The following INO80 variants were observed in gnomAD, a reference collection of about 807,000 sequenced individuals.
The protein encoded by INO80 is chromatin-remodeling ATPase INO80.
Under a neutral mutation model 203.4 loss-of-function variants are expected in INO80, and 20 were observed. The observed-to-expected ratio is 0.10, with a 90% CI of 0.07 to 0.14. INO80 has a LOEUF of 0.14. INO80 is among the 10% of genes least tolerant of loss of function. INO80 has a pLI of 1.00. For synonymous variants in INO80, 726 were observed against 685.2 expected (o/e 1.06, Z -0.93); for missense variants, 1,419 against 1,914.4 (o/e 0.74, Z 4.83).
intron 31 of INO80, among the ~76,000 whole-genome samples, chr15:40,986,107 T>C (rs924073036): frequency 2.6e-5 from 4 of 152,150 alleles, no homozygotes; most frequent in Non-Finnish European, 5.9e-5. Context: ...TGAAACCCAA[T>C]GCTCTCAAAA....
rs2044152012 is a variant in INO80 at position 41,012,817 on chromosome 15, GA to G, written c.3402+3270del. ...AAATACTACTATTTGGATGCCATGT[GA>G]AAGAATACAACATTTCTGAATATAG... On this transcript the variant is annotated intron_variant, in intron 27 of 35. Transcript: ENST00000648947. 4.6e-5 allele frequency among the ~76,000 whole-genome samples: 7 copies of G among 152,100 alleles called. No homozygotes were observed. The South Asian group carries it at 1.5e-3, about 32-fold the overall frequency.
At chr15:41,041,567 A>G in intron 24 of INO80, among the ~76,000 whole-genome samples, 1 of 150,672 alleles carries the variant, frequency 6.6e-6, no homozygotes, top group South Asian at 2.1e-4. Flanking sequence ...CAGCCTCCCT[A>G]GTAGTTGGGA....
At chr15:40,992,968 ACT>A (rs1000754537) in intron 29 of INO80, among the ~76,000 whole-genome samples, 15 of 152,018 alleles carry the variant, frequency 9.9e-5, no homozygotes, top group African/African-American at 3.6e-4. Context: ...AATTTAAAAA[ACT>A]TTTTTGTACA....
chr15:41,070,383 C>A, intron 13 of INO80, 84 bp downstream of exon 13: 1 of 1,178,946 alleles, frequency 8.5e-7, no homozygotes, highest in Non-Finnish European at 1.3e-6. Context: ...CACAGCTTAA[C>A]ATAGTGCTTT....
chr15:41,049,594 G>A (rs2044830103), intron 20 of INO80, among the ~76,000 whole-genome samples, 174 bp from the exon 21 acceptor site: 1 of 152,134 alleles, frequency 6.6e-6, no homozygotes, highest in African/African-American at 2.4e-5. Flanking sequence ...CTTGAAAAAG[G>A]TTAATAAAGA....
chr15:41,028,867 T>A (rs2140482522), intron 24 of INO80, among the ~76,000 whole-genome samples: 1 of 151,930 alleles, frequency 6.6e-6, no homozygotes, highest in South Asian at 2.1e-4. Flanking sequence ...AAAAAAAAAG[T>A]ATTTTAACAG....
At chr15:41,024,377 CT>C (rs1392480858) in intron 25 of INO80, 1 of 152,224 alleles carries the variant, frequency 6.6e-6, no homozygotes, top group East Asian at 1.9e-4. Flanking sequence ...CAGCCTCCCC[CT>C]ATTCTGCTAA....
At chr15:40,984,105 A>G in intron 33 of INO80, 92 bp downstream of exon 33, 2 of 1,433,460 alleles carry the variant, frequency 1.4e-6, no homozygotes, top group East Asian at 2.4e-5. Flanking sequence ...GGAGAACTCC[A>G]GGAGAAGCAA....
At chr15:41,029,574 T>G (rs1480569036) in intron 24 of INO80, among the ~76,000 whole-genome samples, 1 of 152,248 alleles carries the variant, frequency 6.6e-6, no homozygotes, top group African/African-American at 2.4e-5. Flanking sequence ...CTCTAAATGT[T>G]GAGGTCCCTG....
intron 4 of INO80, 55 bp downstream of exon 4, chr15:41,095,542 CATCT>C (rs1274400761): frequency 2.5e-5 from 30 of 1,176,670 alleles, no homozygotes; most frequent in Non-Finnish European, 3.6e-5. Context: ...ATAACTTTCC[CATCT>C]ATTAGTAACT....
intron 24 of INO80, among the ~76,000 whole-genome samples, chr15:41,028,181 G>A (rs888410375): frequency 6.6e-6 from 1 of 151,840 alleles, no homozygotes; most frequent in Non-Finnish European, 1.5e-5. Flanking sequence ...TGTCACCTAG[G>A]CTAGAGTACA....
At chr15:40,981,746 C>T (rs1310421681) in intron 35 of INO80, among the ~76,000 whole-genome samples, 1 of 152,208 alleles carries the variant, frequency 6.6e-6, no homozygotes, top group Non-Finnish European at 1.5e-5. Flanking sequence ...ATATCACGGT[C>T]ACAACAGCCA....
intron 15 of INO80, among the ~76,000 whole-genome samples, 174 bp from the exon 16 acceptor site, chr15:41,058,955 G>A (rs2045051248): frequency 6.6e-6 from 1 of 151,970 alleles, no homozygotes; most frequent in South Asian, 2.1e-4. Flanking sequence ...GGTTTTGTCT[G>A]TTGTTTTGCT....
At chr15:41,035,264 T>TG (rs2044550504) in intron 24 of INO80, among the ~76,000 whole-genome samples, 1 of 152,194 alleles carries the variant, frequency 6.6e-6, no homozygotes, top group Admixed American at 6.5e-5. Flanking sequence ...AATAAGGGGC[T>TG]GTGGTAGTTT....
chr15:41,087,842 A>C (rs2045583928), intron 5 of INO80, among the ~76,000 whole-genome samples, 160 bp from the exon 6 acceptor site: 1 of 152,152 alleles, frequency 6.6e-6, no homozygotes, highest in Non-Finnish European at 1.5e-5. Flanking sequence ...GGAATCACTT[A>C]CTTAACTTCA....
intron 1 of INO80, among the ~76,000 whole-genome samples, chr15:41,115,305 G>C (rs189410578): frequency 2.0e-5 from 3 of 152,314 alleles, no homozygotes; most frequent in African/African-American, 7.2e-5. Context: ...TCTAGCCTCG[G>C]AGATTACGGA....
At chr15:41,017,108 G>C (rs2044222142) in intron 26 of INO80, 1 of 152,086 alleles carries the variant, frequency 6.6e-6, no homozygotes, top group South Asian at 2.1e-4. Context: ...TTTTCAGAAA[G>C]ACTGACTTTG....
intron 19 of INO80, among the ~76,000 whole-genome samples, chr15:41,051,611 A>G (rs529608484): frequency 2.8e-4 from 43 of 151,780 alleles, no homozygotes; most frequent in Admixed American, 2.5e-3. Flanking sequence ...AGGAGTTCTG[A>G]GACCAGCTTG....
intron 29 of INO80, among the ~76,000 whole-genome samples, chr15:40,994,826 T>C (rs2043860683): frequency 6.6e-6 from 1 of 152,204 alleles, no homozygotes; most frequent in Admixed American, 6.5e-5. Flanking sequence ...GGATGCTCAT[T>C]AAACATTTGT....
Sources: allele counts gnomAD v4.1 joint callset (sites outside exome capture counted in the v4.1 genomes callset), GRCh38; gene constraint gnomAD v4.1.1; transcripts MANE v1.5; gene names NCBI Gene and HGNC (gene_info 2026-07-23, HGNC 2026-07-21).